The following IPO5 variants were observed in gnomAD, a reference collection of about 807,000 sequenced individuals.
IPO5 encodes the protein importin-5.
IPO5 carries 18 observed loss-of-function variants against 143.3 expected under a neutral mutation model. The observed-to-expected ratio is 0.13, with a 90% CI of 0.09 to 0.19. IPO5 has a LOEUF of 0.19. IPO5 is among the 10% of genes least tolerant of loss of function. IPO5 has a pLI of 1.00. For synonymous variants in IPO5, 477 were observed against 465.7 expected (o/e 1.02, Z -0.31); for missense variants, 1,013 against 1,336.9 (o/e 0.76, Z 3.78).
At chr13:98,004,180 A>G (rs1255390601) in intron 16 of IPO5, among the ~76,000 whole-genome samples, 16 of 152,248 alleles carry the variant, frequency 1.1e-4, no homozygotes, top group Admixed American at 1.0e-3. Flanking sequence ...TCAAATTGCT[A>G]TAAAAGTTTC....
At chr13:98,003,930 C>T (rs1019850927) in intron 16 of IPO5, among the ~76,000 whole-genome samples, 1 of 151,984 alleles carries the variant, frequency 6.6e-6, no homozygotes, top group Admixed American at 6.6e-5. Flanking sequence ...GTTGTAGAAG[C>T]AACATCATTT....
intron 21 of IPO5, among the ~76,000 whole-genome samples, chr13:98,013,774 G>A (rs748539961): frequency 1.3e-5 from 2 of 152,090 alleles, no homozygotes; most frequent in Non-Finnish European, 2.9e-5. Context: ...ATGGTCATGG[G>A]TCCTTCCATA....
At position 98,022,481 on chromosome 13, in the gene IPO5, A is replaced by AT. The variant is rs1890556434; in HGVS notation, c.*659_*660insT. 1.3e-5 allele frequency: 2 copies of AT among 152,670 alleles called. 1 individual carries two copies. The highest frequency in any genetic ancestry group is 4.1e-4 in the South Asian group (2 of 4,836). The allele number at this position is 152,670 out of a possible 1,614,324, so 9.5% of individuals were successfully genotyped here. A position where few individuals can be genotyped will look rare whatever the true frequency, so the allele number is the denominator to read the frequency against. ...CTCCTCAATAAACAACATTGAATACAAAAGAGGCTTGTGTAAAAACTCAGT... is the reference window on the plus strand; with the variant it reads ...CTCCTCAATAAACAACATTGAATACATAAAGAGGCTTGTGTAAAAACTCAGT... On this transcript the variant is annotated 3_prime_UTR_variant, in exon 29 of 29. Coordinates refer to ENST00000651721, the MANE Select transcript of IPO5 (RefSeq NM_002271.6).
intron 2 of IPO5, among the ~76,000 whole-genome samples, chr13:97,967,410 T>G (rs1218649373): frequency 6.6e-6 from 1 of 152,134 alleles, no homozygotes; most frequent in Non-Finnish European, 1.5e-5. Flanking sequence ...GTCTTCTTTC[T>G]CTTTTTCTTC....
chr13:98,018,367 C>G (rs1051202345), intron 25 of IPO5, 118 bp from the exon 26 acceptor site: 1 of 722,792 alleles, frequency 1.4e-6, no homozygotes, highest in Non-Finnish European at 2.3e-6. Context: ...ACTATGTTTT[C>G]TTTTTTCTTT....
chr13:98,010,732 T>G (rs1324035301), intron 20 of IPO5, among the ~76,000 whole-genome samples: 1 of 151,592 alleles, frequency 6.6e-6, no homozygotes, highest in East Asian at 1.9e-4. Flanking sequence ...GTTCCTAGTT[T>G]TCTTTTTGTT....
chr13:98,003,014 A>G lies in IPO5; in HGVS notation c.1474A>G (p.Ile492Val). Residue 492 changes from isoleucine (I) to valine (V), a missense_variant, in exon 16 of 29, where the codon ATT becomes GTT. By Grantham distance (29) the Ile-to-Val change is conservative. This residue lies in a region of IPO5 where 685 missense variants were observed against 994.9 expected (regional missense o/e 0.69). Coordinates refer to ENST00000651721, the MANE Select transcript of IPO5 (RefSeq NM_002271.6). Reference sequence around the variant, plus strand: ...TAATTTGGTGAAACATCTGCATTCCATTATGGTACTGAAGCTTCAAGAGGT... The same window carrying G: ...TAATTTGGTGAAACATCTGCATTCCGTTATGGTACTGAAGCTTCAAGAGGT... ...LDNLVKHLHSIMVLKLQELIQ... is the reference protein window; with the variant it reads ...LDNLVKHLHSVMVLKLQELIQ... The G allele has an allele frequency of 1.2e-6, 2 of 1,612,226 alleles. No homozygotes were observed. Among genetic ancestry groups the G allele is most frequent in the South Asian group, 1.1e-5 (1 of 90,556 alleles).
At chr13:98,004,632 G>A (rs1041522194) in intron 16 of IPO5, among the ~76,000 whole-genome samples, 25 of 152,156 alleles carry the variant, frequency 1.6e-4, no homozygotes, top group African/African-American at 6.0e-4. Context: ...ACGAGGAAGA[G>A]TTGTACGAAG....
intron 20 of IPO5, 21 bp downstream of exon 20, chr13:98,010,245 CTAAACTTT>C: frequency 6.2e-7 from 1 of 1,605,532 alleles, no homozygotes; most frequent in Non-Finnish European, 8.5e-7. Context: ...ACTGTTTTTA[CTAAACTTT>C]TATTTTACAT....
intron 18 of IPO5, 79 bp downstream of exon 18, chr13:98,008,221 G>A: frequency 3.7e-6 from 3 of 811,592 alleles, no homozygotes; most frequent in Non-Finnish European, 6.3e-6. Flanking sequence ...TAAAACAAAA[G>A]GAGTGATAGG....
intron 27 of IPO5, among the ~76,000 whole-genome samples, chr13:98,020,302 T>A (rs1190811153): frequency 3.9e-5 from 6 of 152,210 alleles, no homozygotes; most frequent in Admixed American, 6.5e-5. Context: ...ATTTTTAGGT[T>A]ATGAATAAAT....
intron 9 of IPO5, among the ~76,000 whole-genome samples, chr13:97,990,852 A>G (rs966624815): frequency 1.3e-5 from 2 of 152,214 alleles, no homozygotes; most frequent in South Asian, 2.1e-4. Context: ...TGTGAGATTT[A>G]ATGCCCATTT....
At chr13:98,011,117 T>G (rs1172621557) in intron 20 of IPO5, among the ~76,000 whole-genome samples, 1 of 152,168 alleles carries the variant, frequency 6.6e-6, no homozygotes, top group Non-Finnish European at 1.5e-5. Flanking sequence ...TATTTCTTAT[T>G]GTCATCTTCA....
At chr13:98,004,606 T>C (rs1889062854) in intron 16 of IPO5, among the ~76,000 whole-genome samples, 1 of 152,048 alleles carries the variant, frequency 6.6e-6, no homozygotes. Flanking sequence ...GATGGGATGG[T>C]AGGAGGACAG....
At chr13:98,015,314 C>T (rs1431070102) in intron 22 of IPO5, among the ~76,000 whole-genome samples, 2 of 151,306 alleles carry the variant, frequency 1.3e-5, no homozygotes, top group Admixed American at 6.6e-5. Context: ...ATGCCTGGCA[C>T]CTAGGTATGC....
At chr13:97,967,297 T>G (rs968448592) in intron 2 of IPO5, among the ~76,000 whole-genome samples, 1 of 152,184 alleles carries the variant, frequency 6.6e-6, no homozygotes. Flanking sequence ...TCCTGGTCAG[T>G]ACAGCCAAAA....
intron 12 of IPO5, among the ~76,000 whole-genome samples, chr13:97,999,740 C>G (rs1185347742): frequency 2.6e-5 from 4 of 152,184 alleles, no homozygotes; most frequent in Non-Finnish European, 5.9e-5. Flanking sequence ...TTTCACATAG[C>G]TATGCATAGT....
rs535735273 is a variant in IPO5 at position 98,023,278 on chromosome 13, A to G, written c.*1456A>G. 1 of 152,318 alleles carries G rather than the reference A, an allele frequency of 6.6e-6. No homozygotes were observed. Among genetic ancestry groups the G allele is most frequent in the Admixed American group, 6.5e-5 (1 of 15,296 alleles). The allele number at this position is 152,318 out of a possible 1,614,324, so 9.4% of individuals were successfully genotyped here. A position where few individuals can be genotyped will look rare whatever the true frequency, so the allele number is the denominator to read the frequency against. The stretch of plus-strand genomic sequence containing the variant: ...CCTGCGCAGTCCTTGTGTTCAGTGG[A>G]TGAATACCTGTGGGCTCTTGTAATG... On this transcript the variant is annotated 3_prime_UTR_variant, in exon 29 of 29. Coordinates refer to ENST00000651721, the MANE Select transcript of IPO5 (RefSeq NM_002271.6).
intron 11 of IPO5, among the ~76,000 whole-genome samples, chr13:97,994,982 C>T (rs759233884): frequency 2.0e-5 from 3 of 151,854 alleles, no homozygotes; most frequent in Non-Finnish European, 4.4e-5. Flanking sequence ...AAAAATTAGT[C>T]GGGCATGGTG....
Sources: gnomAD v4.1 joint callset for allele counts (sites outside exome capture counted in the v4.1 genomes callset) on GRCh38, gnomAD v4.1.1 for gene constraint, gnomAD v4.1.1 regional missense constraint, MANE v1.5 for transcripts, NCBI Gene and HGNC (gene_info 2026-07-23, HGNC 2026-07-21) for gene names.